Variants in CACNA1E observed in about 807,000 individuals in gnomAD.
The protein encoded by CACNA1E is calcium voltage-gated channel subunit alpha1 E, also known as voltage-dependent R-type calcium channel subunit alpha-1E.
CACNA1E carries 40 observed loss-of-function variants against 259.2 expected under a neutral mutation model. The observed-to-expected ratio is 0.15, with a 90% CI of 0.12 to 0.20. The LOEUF (loss-of-function observed/expected upper bound fraction) is 0.20. Among genes scored for constraint, CACNA1E ranks in the 10% least tolerant of loss-of-function variants. The pLI is 1.00. For synonymous variants in CACNA1E, 1,104 were observed against 1,138.5 expected (o/e 0.97, Z 0.61); for missense variants, 1,874 against 3,040.1 (o/e 0.62, Z 9.02).
chr1:181,477,398 T>C (rs1198921895), intron 2 of CACNA1E, among the ~76,000 whole-genome samples: 3 of 152,248 alleles, frequency 2.0e-5, no homozygotes, highest in Non-Finnish European at 2.9e-5. Context: ...TGTAAGTTTT[T>C]AGAGGCTATG....
At chr1:181,701,597 C>T (rs1652266044) in intron 7 of CACNA1E, among the ~76,000 whole-genome samples, 3 of 152,338 alleles carry the variant, frequency 2.0e-5, no homozygotes, top group Non-Finnish European at 2.9e-5. Flanking sequence ...GAGAATTAAA[C>T]AGAGTAGGTC....
chr1:181,731,278 G>A lies in CACNA1E; in HGVS notation c.2297+47G>A, dbSNP rs746670580. ...TGTTTGTGAGTGGTTACGTGTGGGC[G>A]TGGGACAATGTGTCATTGTCCTTGC... On this transcript the variant is annotated intron_variant, in intron 19 of 47. Transcript: ENST00000367573. 71 of 1,427,616 alleles carry A rather than the reference G, an allele frequency of 5.0e-5. 1 individual carries two copies. The South Asian group carries it at 7.2e-4, about 14-fold the overall frequency. The allele number at this position is 1,427,616 out of a possible 1,614,324, so 88.4% of individuals were successfully genotyped here.
chr1:181,618,508 T>C (rs1271091829), intron 6 of CACNA1E, among the ~76,000 whole-genome samples: 1 of 152,292 alleles, frequency 6.6e-6, no homozygotes, highest in African/African-American at 2.4e-5. Context: ...GAGGTTTCAG[T>C]GAGCCAAGAT....
intron 34 of CACNA1E, among the ~76,000 whole-genome samples, chr1:181,765,432 A>G (rs1186813250): frequency 6.6e-6 from 1 of 152,154 alleles, no homozygotes; most frequent in African/African-American, 2.4e-5. Context: ...GGAGGTCCAC[A>G]TTGCCCATCA....
chr1:181,600,948 G>C (rs1015187827), intron 6 of CACNA1E, among the ~76,000 whole-genome samples: 3 of 152,174 alleles, frequency 2.0e-5, no homozygotes, highest in Non-Finnish European at 2.9e-5. Context: ...ACAACTTAAT[G>C]TCTATTAGCA....
rs539777789 is a variant in CACNA1E, at chr1:181,438,472, C to A, written c.434+24892C>A. ...ATTCTTTCAGGGCAGTAGGTTTGTT[C>A]CAATTCCATTCTCATTTTTAAAAAT... On this transcript the variant is annotated intron_variant, in intron 2 of 11. Transcript: ENST00000524607. Among the ~76,000 whole-genome samples, 22 of 152,284 alleles carry A rather than the reference C, an allele frequency of 1.4e-4. No homozygotes were observed. The South Asian group carries it at 4.4e-3, about 30-fold the overall frequency.
intron 20 of CACNA1E, 35 bp from the exon 21 acceptor site, chr1:181,733,402 C>A: frequency 6.8e-7 from 1 of 1,477,180 alleles, no homozygotes. Flanking sequence ...GGGACAGCGT[C>A]TGAGCACCAG....
At chr1:181,407,587 G>A (rs1247173539) in intron 1 of CACNA1E, among the ~76,000 whole-genome samples, 2 of 152,188 alleles carry the variant, frequency 1.3e-5, no homozygotes, top group South Asian at 4.1e-4. Context: ...TGGTTCTGAT[G>A]TACATTAGAG....
intron 3 of CACNA1E, among the ~76,000 whole-genome samples, chr1:181,538,583 G>A (rs1668345991): frequency 6.6e-6 from 1 of 152,154 alleles, no homozygotes. Context: ...GTGACAAGAA[G>A]CAATTGCAAT....
chr1:181,552,386 C>T (rs574968957), intron 3 of CACNA1E, among the ~76,000 whole-genome samples: 20 of 152,184 alleles, frequency 1.3e-4, no homozygotes, highest in South Asian at 2.1e-4. Flanking sequence ...GATGGAATGC[C>T]GTGGCAAAAC....
At chr1:181,438,856 A>G (rs1482070228) in intron 2 of CACNA1E, among the ~76,000 whole-genome samples, 1 of 152,204 alleles carries the variant, frequency 6.6e-6, no homozygotes, top group East Asian at 1.9e-4. Context: ...AAAGATGTGT[A>G]CAAAGATTTC....
intron 2 of CACNA1E, among the ~76,000 whole-genome samples, chr1:181,419,471 G>A (rs1658551316): frequency 6.6e-6 from 1 of 152,050 alleles, no homozygotes; most frequent in Admixed American, 6.5e-5. Context: ...TATTTAAATA[G>A]CATTCCCCCA....
At chr1:181,702,618 C>A (rs1209386010) in intron 7 of CACNA1E, among the ~76,000 whole-genome samples, 1 of 152,164 alleles carries the variant, frequency 6.6e-6, no homozygotes, top group Non-Finnish European at 1.5e-5. Context: ...TGTATTCAGT[C>A]CACTCTAGTC....
chr1:181,732,944 C>T lies in CACNA1E; in HGVS notation c.2858C>T (p.Pro953Leu), dbSNP rs1323731533. 6.2e-7 allele frequency: 1 copy of T among 1,613,856 alleles called. No individual in the cohort carries two copies. Among genetic ancestry groups the T allele is most frequent in the Non-Finnish European group, 8.5e-7 (1 of 1,179,886 alleles). ...SQERSLDEAM[P>L]TEGEKDHELR... ...GAACGCAGTCTGGATGAAGCCATGC[C>T]CACTGAAGGGGAGAAGGACCATGAG... Residue 953 changes from proline (P) to leucine (L), a missense_variant, in exon 20 of 48, where the codon CCC (proline) becomes CTC (leucine). Physicochemically the swap from Pro to Leu is moderately conservative, Grantham distance 98. This residue lies in a region of CACNA1E where 476 missense variants were observed against 514.0 expected (regional missense o/e 0.93). Transcript: ENST00000367573. This position sits in a 1 kb window ranked among gnomAD's most constrained non-coding sequence, Gnocchi z 5.5.
At chr1:181,783,929 ATAAC>A (rs1276318625) in intron 40 of CACNA1E, 145 bp downstream of exon 40, 12 of 561,868 alleles carry the variant, frequency 2.1e-5, no homozygotes, top group Non-Finnish European at 3.9e-5. Context: ...ATCTGACTCA[ATAAC>A]TAATAATTGC....
At chr1:181,319,957 C>T (rs1275513724) in intron 1 of CACNA1E, among the ~76,000 whole-genome samples, 1 of 152,218 alleles carries the variant, frequency 6.6e-6, no homozygotes, top group Non-Finnish European at 1.5e-5. Flanking sequence ...CTGAAATGCC[C>T]ATTCCTGGAG....
intron 7 of CACNA1E, among the ~76,000 whole-genome samples, chr1:181,684,876 C>CTTTTTTTTTTTTTTTTTTTT: frequency 7.4e-6 from 1 of 135,154 alleles, no homozygotes; most frequent in Non-Finnish European, 1.6e-5. Context: ...TTTTTAAATC[C>CTTTTTTTTTTTTTTTTTTTT]TTTTTTTTTT....
At chr1:181,656,756 C>T (rs1269711814) in intron 7 of CACNA1E, among the ~76,000 whole-genome samples, 1 of 152,128 alleles carries the variant, frequency 6.6e-6, no homozygotes, top group African/African-American at 2.4e-5. Context: ...CTACGGTGTA[C>T]CATTTTTTAA....
intron 7 of CACNA1E, among the ~76,000 whole-genome samples, chr1:181,687,387 A>C (rs968711896): frequency 2.0e-5 from 3 of 152,166 alleles, no homozygotes; most frequent in Admixed American, 1.3e-4. Context: ...TGATTTAGAC[A>C]GCTTGGGGGG....
Sources: allele counts gnomAD v4.1 joint callset (sites outside exome capture counted in the v4.1 genomes callset), GRCh38; gene constraint gnomAD v4.1.1; regional missense constraint gnomAD v4.1.1; non-coding constraint Gnocchi (gnomAD v3.1); transcripts MANE v1.5; gene names NCBI Gene and HGNC (gene_info 2026-07-23, HGNC 2026-07-21).